The following EPHA4 variants were observed in gnomAD, a reference collection of about 807,000 sequenced individuals.
EPHA4 encodes EPH receptor A4.
Under a neutral mutation model 108.3 loss-of-function variants are expected in EPHA4, and 19 were observed. The ratio of observed to expected loss-of-function variants is 0.18; its 90% CI spans 0.12 to 0.26. EPHA4 has a LOEUF of 0.26. Ranked by LOEUF, EPHA4 falls within the 10% of genes least tolerant of loss-of-function variation. EPHA4 has a pLI of 1.00. For synonymous variants in EPHA4, 449 were observed against 455.5 expected, an observed-to-expected ratio of 0.99 and a Z score of 0.18; for missense variants, 917 against 1,254.0, an observed-to-expected ratio of 0.73 and a Z score of 4.06.
intron 1 of EPHA4, chr2:221,569,329 C>CT (rs1345146162): frequency 6.6e-6 from 1 of 152,162 alleles, no homozygotes; most frequent in Non-Finnish European, 1.5e-5. Flanking sequence ...GTATCCGCTG[C>CT]TTTTTTAAAT....
At chr2:221,499,280 C>A (rs1692400096) in intron 4 of EPHA4, among the ~76,000 whole-genome samples, 1 of 149,956 alleles carries the variant, frequency 6.7e-6, no homozygotes, top group African/African-American at 2.4e-5. Context: ...CTAGGTGAGT[C>A]TTCAGGTTGT....
At chr2:221,495,234 C>T (rs999850696) in intron 4 of EPHA4, among the ~76,000 whole-genome samples, 3 of 152,156 alleles carry the variant, frequency 2.0e-5, no homozygotes, top group Admixed American at 1.3e-4. Context: ...ATTCCATTTC[C>T]ATGAAGGGAG....
intron 5 of EPHA4, among the ~76,000 whole-genome samples, chr2:221,479,339 A>T (rs1691751744): frequency 6.6e-6 from 1 of 152,228 alleles, no homozygotes; most frequent in African/African-American, 2.4e-5. Flanking sequence ...ATAGGACCCA[A>T]GAATTCTAGC....
Position 221,425,524 on chromosome 2 carries a change from A to AC in EPHA4, c.*503dup, listed in dbSNP as rs1330038835. The AC allele has an allele frequency of 6.5e-6, 1 of 153,104 alleles. No homozygotes were observed. The highest frequency in any genetic ancestry group is 1.5e-5 in the Non-Finnish European group (1 of 68,754). The allele number at this position is 153,104 out of a possible 1,614,324, so 9.5% of individuals were successfully genotyped here. ...ATGAGCCACGTCGCTTTCTCCTAGG[A>AC]CTTTTTTTTCCCCCATGGTATGAAC... is the stretch of plus-strand genomic sequence containing the variant. On this transcript the variant is annotated 3_prime_UTR_variant, in exon 17 of 18. Transcript: ENST00000281821.
intron 8 of EPHA4, among the ~76,000 whole-genome samples, chr2:221,453,616 A>G (rs1690851074): frequency 1.3e-5 from 2 of 152,332 alleles, no homozygotes; most frequent in Non-Finnish European, 2.9e-5. Context: ...TAGAATATAG[A>G]GGGCATGCCA....
chr2:221,563,383 C>A lies in EPHA4; in HGVS notation c.823+348G>T, dbSNP rs568433743. 2.6e-5 allele frequency among the ~76,000 whole-genome samples: 4 copies of A among 152,302 alleles called. No homozygotes were observed. The East Asian group carries it at 7.7e-4, about 29-fold the overall frequency. ...TTTACCAAGTCCATAGACAGGAAAA[C>A]TATGGCTCAAAAATGTGTCCGCCCT... is the stretch of plus-strand genomic sequence containing the variant. On this transcript the variant is annotated intron_variant, in intron 3 of 17. Coordinates refer to ENST00000281821, the MANE Select transcript of EPHA4 (RefSeq NM_004438.5).
In EPHA4 at chr2:221,456,675, C is replaced by G; in HGVS notation, c.1541G>C (p.Arg514Pro). ...TCCATAGCCAGCTGCTGTCCTGGCT[C>G]GCACGTGGAAAACATAGGAAGTGAG... ...NPLTSYVFHVRARTAAGYGDF... is the reference protein window; with the variant it reads ...NPLTSYVFHVPARTAAGYGDF... Residue 514 changes from arginine to proline, a missense_variant, in exon 7 of 18, where the codon CGA becomes CCA. By Grantham distance (103) the Arg-to-Pro change is moderately radical (BLOSUM62 -2). This residue lies in a region of EPHA4 where 758 missense variants were observed against 1,076.7 expected (regional missense o/e 0.70). Transcript: ENST00000281821. 6.2e-7 allele frequency: 1 copy of G among 1,613,898 alleles called. No individual in the cohort carries two copies. Among genetic ancestry groups the G allele is most frequent in the Non-Finnish European group, 8.5e-7 (1 of 1,179,898 alleles).
chr2:221,430,733 T>C (rs1690047276), intron 14 of EPHA4, among the ~76,000 whole-genome samples: 1 of 152,214 alleles, frequency 6.6e-6, no homozygotes, highest in African/African-American at 2.4e-5. Flanking sequence ...CTGAATTTCT[T>C]TCTTGGTCTC....
intron 3 of EPHA4, among the ~76,000 whole-genome samples, chr2:221,559,116 C>T (rs769549025): frequency 2.0e-5 from 3 of 152,112 alleles, no homozygotes; most frequent in African/African-American, 2.4e-5. Context: ...ACATTTCTAT[C>T]TTGTTCTTTC....
rs201232620 is a variant in EPHA4, at chr2:221,457,938, C to T, written c.1371G>A (p.Val457=). Residue 457 remains valine (V), a synonymous_variant, in exon 6 of 18, where the codon GTG becomes GTA. Coordinates refer to ENST00000281821, the MANE Select transcript of EPHA4 (RefSeq NM_004438.5). ...VQAKEVTRYS[V]ALAWLEPDRP... ...GATCTGGTTCCAGCCAAGCCAGTGC[C>T]ACACTGTATCTTGTGACTTCTTTAG... is the stretch of plus-strand genomic sequence containing the variant. The T allele has an allele frequency of 1.1e-5, 18 of 1,613,836 alleles. No homozygotes were observed. The East Asian group carries it at 2.7e-4, about 24-fold the overall frequency.
chr2:221,471,155 A>G (rs893332404), intron 5 of EPHA4, among the ~76,000 whole-genome samples: 4 of 152,098 alleles, frequency 2.6e-5, no homozygotes, highest in South Asian at 2.1e-4. Flanking sequence ...GAGAATTGAG[A>G]TGACTTTTGT....
Position 221,564,206 on chromosome 2 carries a change from C to G in EPHA4, c.348G>C (p.Gly116=). The part of the protein sequence containing the change: ...RDCNSLPGVM[G]TCKETFNLYY... ...ACAGGTTAAACGTCTCCTTGCAAGT[C>G]CCCATGACGCCCGGAAGACTATTGC... is the stretch of plus-strand genomic sequence containing the variant. Residue 116 remains glycine (G), a synonymous_variant, in exon 3 of 18, where the codon GGG becomes GGC. Transcript: ENST00000281821. The G allele has an allele frequency of 6.2e-7, 1 of 1,614,142 alleles. No individual in the cohort carries two copies. Among genetic ancestry groups the G allele is most frequent in the Non-Finnish European group, 8.5e-7 (1 of 1,180,030 alleles).
chr2:221,445,106 G>A (rs1487837146), intron 9 of EPHA4, among the ~76,000 whole-genome samples: 1 of 152,070 alleles, frequency 6.6e-6, no homozygotes, highest in Non-Finnish European at 1.5e-5. Context: ...CTTGTTACAT[G>A]AGGCTATCTA....
At chr2:221,529,633 T>C (rs979777954) in intron 3 of EPHA4, among the ~76,000 whole-genome samples, 3 of 152,202 alleles carry the variant, frequency 2.0e-5, no homozygotes, top group African/African-American at 7.2e-5. Context: ...TTATCACATG[T>C]TATCTTTACG....
intron 3 of EPHA4, among the ~76,000 whole-genome samples, chr2:221,557,146 G>A (rs1018944120): frequency 6.6e-6 from 1 of 152,198 alleles, no homozygotes; most frequent in Admixed American, 6.5e-5. Context: ...AAAGGGTCTT[G>A]GGGAACATAG....
At chr2:221,560,016 T>A (rs1694413852) in intron 3 of EPHA4, among the ~76,000 whole-genome samples, 2 of 152,310 alleles carry the variant, frequency 1.3e-5, no homozygotes, top group South Asian at 4.1e-4. Context: ...GGGTAGGAAC[T>A]GCAAGAGGAA....
intron 4 of EPHA4, among the ~76,000 whole-genome samples, chr2:221,494,407 C>T (rs1350260629): frequency 6.6e-6 from 1 of 152,188 alleles, no homozygotes; most frequent in Non-Finnish European, 1.5e-5. Flanking sequence ...AGTTCGAGAC[C>T]AGCCTGGTCA....
intron 4 of EPHA4, among the ~76,000 whole-genome samples, chr2:221,487,539 C>G (rs1199065427): frequency 1.3e-5 from 2 of 152,122 alleles, no homozygotes; most frequent in African/African-American, 2.4e-5. Flanking sequence ...TTTAACATTT[C>G]TAAAGGTAGA....
chr2:221,477,704 T>C (rs998491008), intron 5 of EPHA4, among the ~76,000 whole-genome samples: 1 of 152,208 alleles, frequency 6.6e-6, no homozygotes, highest in African/African-American at 2.4e-5. Context: ...ATTTGGAGAA[T>C]GTTTTCCCAC....
Sources: gnomAD v4.1 joint callset for allele counts (sites outside exome capture counted in the v4.1 genomes callset) on GRCh38, gnomAD v4.1.1 for gene constraint, gnomAD v4.1.1 regional missense constraint, MANE v1.5 for transcripts, NCBI Gene and HGNC (gene_info 2026-07-23, HGNC 2026-07-21) for gene names.